The following DNER variants were observed in gnomAD, a reference collection of about 807,000 sequenced individuals.
DNER encodes delta and Notch-like epidermal growth factor-related receptor.
A neutral mutation model predicts 78.2 loss-of-function variants in DNER; 33 were observed. That is an observed-to-expected ratio of 0.42 (90% CI 0.32 to 0.56). DNER has a LOEUF of 0.56. DNER is among the 20% of genes least tolerant of loss of function. DNER has a pLI of 0.11. For synonymous variants in DNER, 417 were observed against 384.8 expected, an observed-to-expected ratio of 1.08 and a Z score of -0.98; for missense variants, 918 against 975.3, an observed-to-expected ratio of 0.94 and a Z score of 0.78.
At chr2:229,364,454 G>A (rs1036894154) in intron 12 of DNER, among the ~76,000 whole-genome samples, 6 of 152,158 alleles carry the variant, frequency 3.9e-5, no homozygotes, top group South Asian at 4.1e-4. Flanking sequence ...TTAAGGTGGG[G>A]CTTGCAAGGG....
intron 5 of DNER, among the ~76,000 whole-genome samples, chr2:229,538,377 T>A (rs922405634): frequency 2.0e-5 from 3 of 152,158 alleles, no homozygotes; most frequent in African/African-American, 4.8e-5. Context: ...GTATATATAT[T>A]TTTTGACACA....
At chr2:229,379,328 A>AGGAAG (rs59986292) in intron 11 of DNER, among the ~76,000 whole-genome samples, 17,570 of 152,226 alleles carry the variant, frequency 0.12, 1,771 homozygotes, top group East Asian at 0.52. Context: ...TAATCCTCAC[A>AGGAAG]GCAACCAGCA....
intron 4 of DNER, among the ~76,000 whole-genome samples, chr2:229,572,140 C>T (rs981156137): frequency 2.0e-5 from 3 of 152,156 alleles, no homozygotes; most frequent in Non-Finnish European, 2.9e-5. Flanking sequence ...TTCTCCCTCC[C>T]GTGTTGTTAC....
chr2:229,580,873 A>G (rs112436487), intron 4 of DNER, among the ~76,000 whole-genome samples: 2 of 152,336 alleles, frequency 1.3e-5, no homozygotes, highest in African/African-American at 4.8e-5. Context: ...CATGCTGAAT[A>G]GAATTTTAAC....
At chr2:229,408,365 T>C (rs572268243) in intron 9 of DNER, among the ~76,000 whole-genome samples, 2 of 152,304 alleles carry the variant, frequency 1.3e-5, no homozygotes, top group East Asian at 3.9e-4. Context: ...GATGTTACAC[T>C]GGATGCCAAG....
chr2:229,500,204 A>T (rs1027427261), intron 6 of DNER, among the ~76,000 whole-genome samples: 22 of 152,340 alleles, frequency 1.4e-4, no homozygotes, highest in African/African-American at 4.8e-4. Context: ...CAGTGCCAGG[A>T]TTACAGGCGT....
chr2:229,413,211 ATTC>A (rs1693561855), intron 9 of DNER, among the ~76,000 whole-genome samples: 1 of 151,674 alleles, frequency 6.6e-6, no homozygotes, highest in African/African-American at 2.4e-5. Flanking sequence ...TTATCTGTCC[ATTC>A]TTGCTAGGGT....
rs138570756 is a variant in DNER at position 229,599,707 on chromosome 2, T to C, written c.277-7819A>G. 6.1e-4 allele frequency among the ~76,000 whole-genome samples: 93 copies of C among 152,266 alleles called. 1 individual carries two copies. Among genetic ancestry groups the C allele is most frequent in the African/African-American group, 2.2e-3 (90 of 41,562 alleles). On this transcript the variant is annotated intron_variant, in intron 1 of 12. Transcript: ENST00000341772. ...ATCATGAAGGAAGAAATGTACAACATACTATAAAGGACTAAATCCCTTATT... is the reference window on the plus strand; with the variant it reads ...ATCATGAAGGAAGAAATGTACAACACACTATAAAGGACTAAATCCCTTATT...
At chr2:229,549,491 G>T (rs1696688137) in intron 4 of DNER, among the ~76,000 whole-genome samples, 1 of 152,136 alleles carries the variant, frequency 6.6e-6, no homozygotes, top group East Asian at 1.9e-4. Context: ...TTGAGGCGGG[G>T]TGTCACCATG....
At chr2:229,571,829 A>G (rs1697223042) in intron 4 of DNER, among the ~76,000 whole-genome samples, 1 of 151,774 alleles carries the variant, frequency 6.6e-6, no homozygotes, top group South Asian at 2.1e-4. Context: ...GTTGACTTTG[A>G]CAGTGGTCCT....
rs774388111 is a variant in DNER, at chr2:229,585,910, C to T, written c.795G>A (p.Gly265=). ...GCATCTCCTCCAGGAGGACCAGTCCCCCTGAAGCCTGAAGGGGGGTCACAC... is the reference window on the plus strand; with the variant it reads ...GCATCTCCTCCAGGAGGACCAGTCCTCCTGAAGCCTGAAGGGGGGTCACAC... ...GRSVTPLQAS[G]GLVLLEEMLA... Residue 265 remains glycine (G), a synonymous_variant, in exon 4 of 13, where the codon GGG becomes GGA. Transcript: ENST00000341772. 2 of 1,614,080 alleles carry T rather than the reference C, an allele frequency of 1.2e-6. No homozygotes were observed. Among genetic ancestry groups the T allele is most frequent in the South Asian group, 1.1e-5 (1 of 91,074 alleles).
intron 6 of DNER, among the ~76,000 whole-genome samples, chr2:229,499,444 C>CAAAAAAAAAAAAAAAAA (rs777417272): frequency 1.3e-5 from 1 of 74,820 alleles, no homozygotes. Flanking sequence ...GACTCCAACT[C>CAAAAAAAAAAAAAAAAA]AAAAAAAAAA....
At chr2:229,531,089 A>T (rs1220205801) in intron 5 of DNER, among the ~76,000 whole-genome samples, 5 of 152,178 alleles carry the variant, frequency 3.3e-5, no homozygotes, top group African/African-American at 1.2e-4. Context: ...CCCTAGAAAC[A>T]ATCCAAACTT....
intron 1 of DNER, among the ~76,000 whole-genome samples, chr2:229,645,344 G>T (rs1021477598): frequency 6.6e-6 from 1 of 152,166 alleles, no homozygotes; most frequent in Non-Finnish European, 1.5e-5. Flanking sequence ...GAACAAGCAA[G>T]AAGTCCAGAA....
intron 1 of DNER, among the ~76,000 whole-genome samples, chr2:229,613,700 G>T (rs1490853278): frequency 6.6e-6 from 1 of 151,162 alleles, no homozygotes; most frequent in Admixed American, 6.6e-5. Context: ...AAGGAAAGAC[G>T]TTACTTTTAC....
intron 2 of DNER, among the ~76,000 whole-genome samples, chr2:229,590,686 AC>A (rs1480755460): frequency 6.6e-6 from 1 of 152,224 alleles, no homozygotes; most frequent in Non-Finnish European, 1.5e-5. Context: ...CAGTGAGAAG[AC>A]GCGGGCTGTG....
Position 229,513,773 on chromosome 2 carries a change from T to C in DNER, c.994-837A>G, listed in dbSNP as rs144361696. 3.3e-5 allele frequency among the ~76,000 whole-genome samples: 5 copies of C among 152,240 alleles called. No homozygotes were observed. In the East Asian group the frequency reaches 7.7e-4, roughly 24 times the overall value. ...GAATGACATTAACAGATCTTACTACTTAAGAAAATCTAAACAAAACAGACA... is the reference window on the plus strand; with the variant it reads ...GAATGACATTAACAGATCTTACTACCTAAGAAAATCTAAACAAAACAGACA... On this transcript the variant is annotated intron_variant, in intron 5 of 12. Transcript: ENST00000341772.
chr2:229,523,200 T>C (rs1332651138), intron 5 of DNER, among the ~76,000 whole-genome samples: 1 of 152,226 alleles, frequency 6.6e-6, no homozygotes, highest in Non-Finnish European at 1.5e-5. Flanking sequence ...ACAAATCCTC[T>C]CTGCTGCTGT....
At chr2:229,654,404 G>GT (rs1424588581) in intron 1 of DNER, among the ~76,000 whole-genome samples, 1 of 152,138 alleles carries the variant, frequency 6.6e-6, no homozygotes, top group Non-Finnish European at 1.5e-5. Flanking sequence ...CAACCCAAAT[G>GT]TCCAGCAAAG....
Sources: gnomAD v4.1 joint callset for allele counts (sites outside exome capture counted in the v4.1 genomes callset) on GRCh38, gnomAD v4.1.1 for gene constraint, MANE v1.5 for transcripts, NCBI Gene and HGNC (gene_info 2026-07-23, HGNC 2026-07-21) for gene names.